The following NOX4 variants were observed in gnomAD, a reference collection of about 807,000 sequenced individuals.
NOX4 encodes NADPH oxidase 4.
Under a neutral mutation model 87.6 loss-of-function variants are expected in NOX4, and 69 were observed. The observed-to-expected ratio is 0.79, with a 90% CI of 0.65 to 0.96. The LOEUF (loss-of-function observed/expected upper bound fraction) is 0.96. Among genes scored for constraint, NOX4 ranks in the 40% least tolerant of loss-of-function variants. The probability of loss-of-function intolerance (pLI) is 0.00; values close to 1 mark genes in which losing one functional copy is unlikely to be tolerated. For missense variants in NOX4, 680 were observed against 681.5 expected (o/e 1.00, Z 0.02); for synonymous variants, 275 against 238.2 (o/e 1.15, Z -1.42).
the NOX4 span, among the ~76,000 whole-genome samples, chr11:89,560,996 C>CTCTCTCTATATATATATATATA: frequency 4.9e-5 from 2 of 40,820 alleles, no homozygotes; most frequent in African/African-American, 2.6e-4. Flanking sequence ...CTCTCTCTCT[C>CTCTCTCTATATATATATATATA]TATATATATA....
chr11:89,561,019 TAC>T, the NOX4 span, among the ~76,000 whole-genome samples: 9 of 102,228 alleles, frequency 8.8e-5, no homozygotes, highest in South Asian at 9.8e-4. Context: ...TATATATATA[TAC>T]ATACACACAC....
intron 2 of NOX4, among the ~76,000 whole-genome samples, chr11:89,482,659 T>C (rs1042097165): frequency 6.6e-6 from 1 of 152,120 alleles, no homozygotes; most frequent in African/African-American, 2.4e-5. Flanking sequence ...TACTTTGTTA[T>C]GGCAGCCCTA....
intron 2 of NOX4, among the ~76,000 whole-genome samples, chr11:89,464,700 G>A (rs1379098923): frequency 6.6e-6 from 1 of 152,144 alleles, no homozygotes; most frequent in Non-Finnish European, 1.5e-5. Flanking sequence ...AGATGGAAGT[G>A]TTATTTTCAA....
At chr11:89,438,962 T>C (rs1944332448) in intron 6 of NOX4, among the ~76,000 whole-genome samples, 1 of 92,424 alleles carries the variant, frequency 1.1e-5, no homozygotes, top group East Asian at 2.8e-4. Context: ...TATATAATAA[T>C]ATATAATATA....
the NOX4 span, among the ~76,000 whole-genome samples, chr11:89,518,915 G>A: frequency 6.6e-6 from 1 of 151,884 alleles, no homozygotes; most frequent in Non-Finnish European, 1.5e-5. Context: ...AAAAATCACT[G>A]AAAAGATGAG....
At chr11:89,499,491 GAAAT>G, upstream of NOX4, among the ~76,000 whole-genome samples, 1 of 152,242 alleles carries the variant, frequency 6.6e-6, no homozygotes, top group Non-Finnish European at 1.5e-5. Context: ...AGGAATAAGA[GAAAT>G]AAATAAATAA....
intron 13 of NOX4, among the ~76,000 whole-genome samples, chr11:89,349,247 A>C (rs931361572): frequency 3.3e-5 from 5 of 152,090 alleles, no homozygotes; most frequent in Non-Finnish European, 5.9e-5. Context: ...AAATTGCACC[A>C]CTGCACGCCA....
chr11:89,472,196 T>C (rs1945975002), intron 2 of NOX4, among the ~76,000 whole-genome samples: 1 of 152,310 alleles, frequency 6.6e-6, no homozygotes, highest in Admixed American at 6.5e-5. Context: ...ACCAATTCAG[T>C]GTTCTTGGGG....
At chr11:89,564,554 T>C in the NOX4 span, among the ~76,000 whole-genome samples, 10 of 152,096 alleles carry the variant, frequency 6.6e-5, no homozygotes, top group African/African-American at 2.4e-4. Context: ...AACCACATCA[T>C]GAACCTTGAA....
At chr11:89,456,828 C>T (rs572371734) in intron 2 of NOX4, among the ~76,000 whole-genome samples, 3 of 152,234 alleles carry the variant, frequency 2.0e-5, no homozygotes, top group East Asian at 1.9e-4. Context: ...GCTAGGGTGC[C>T]CATCCCCAAA....
chr11:89,401,054 A>C (rs977824321), intron 9 of NOX4, among the ~76,000 whole-genome samples: 1 of 152,106 alleles, frequency 6.6e-6, no homozygotes, highest in Non-Finnish European at 1.5e-5. Context: ...GCAGAAGCCT[A>C]TGTGGCTTAC....
the NOX4 span, among the ~76,000 whole-genome samples, chr11:89,524,911 A>T: frequency 6.6e-6 from 1 of 152,020 alleles, no homozygotes; most frequent in African/African-American, 2.4e-5. Flanking sequence ...TTTGATTATA[A>T]AATAGTTTCC....
intron 8 of NOX4, 109 bp from the exon 9 acceptor site, chr11:89,402,651 C>G: frequency 1.2e-6 from 1 of 830,574 alleles, no homozygotes; most frequent in South Asian, 1.6e-5. Flanking sequence ...GCTAACTTTA[C>G]ACAGCATTTA....
At chr11:89,378,248 G>A (rs776058443) in intron 11 of NOX4, among the ~76,000 whole-genome samples, 3 of 152,040 alleles carry the variant, frequency 2.0e-5, no homozygotes, top group Admixed American at 1.3e-4. Flanking sequence ...TGAGCTAAAC[G>A]AATACTTATC....
At chr11:89,515,321 G>A in the NOX4 span, among the ~76,000 whole-genome samples, 1 of 151,632 alleles carries the variant, frequency 6.6e-6, no homozygotes, top group South Asian at 2.1e-4. Flanking sequence ...TTATAATGCT[G>A]AACATCTTTT....
At chr11:89,461,117 A>T (rs1305564988) in intron 2 of NOX4, among the ~76,000 whole-genome samples, 1 of 151,990 alleles carries the variant, frequency 6.6e-6, no homozygotes, top group Non-Finnish European at 1.5e-5. Context: ...ATGAGAACAC[A>T]TGGACACAGG....
chr11:89,432,923 A>G (rs1943884754), intron 6 of NOX4, 67 bp from the exon 7 acceptor site: 1 of 1,065,868 alleles, frequency 9.4e-7, no homozygotes, highest in Admixed American at 1.9e-5. Flanking sequence ...AAAAATGATT[A>G]TATTAGAATC....
intron 8 of NOX4, among the ~76,000 whole-genome samples, chr11:89,420,563 G>A (rs1166217942): frequency 1.3e-5 from 2 of 151,958 alleles, no homozygotes. Flanking sequence ...GGACATATGG[G>A]ATATTTGATA....
chr11:89,431,027 A>G (rs1943752068), intron 7 of NOX4, among the ~76,000 whole-genome samples: 2 of 152,218 alleles, frequency 1.3e-5, no homozygotes, highest in Admixed American at 1.3e-4. Context: ...ATGGAACAGA[A>G]CAGAGCCCTC....
Sources: allele counts gnomAD v4.1 joint callset (sites outside exome capture counted in the v4.1 genomes callset), GRCh38; gene constraint gnomAD v4.1.1; transcripts MANE v1.5; gene names NCBI Gene and HGNC (gene_info 2026-07-23, HGNC 2026-07-21).